RUNX1: variants seen among roughly 807,000 people sequenced by gnomAD.
The protein encoded by RUNX1 is runt-related transcription factor 1.
RUNX1 carries 19 observed loss-of-function variants against 42.8 expected under a neutral mutation model. The ratio of observed to expected loss-of-function variants is 0.44; its 90% CI spans 0.31 to 0.65. The LOEUF is 0.65. RUNX1 is among the 30% of genes least tolerant of loss of function. RUNX1 has a pLI of 0.07. For missense variants in RUNX1, 528 were observed against 672.0 expected, an observed-to-expected ratio of 0.79 and a Z score of 2.37; for synonymous variants, 271 against 289.4, an observed-to-expected ratio of 0.94 and a Z score of 0.64.
intron 2 of RUNX1, among the ~76,000 whole-genome samples, chr21:34,917,403 G>T (rs1023726767): frequency 6.6e-6 from 1 of 152,188 alleles, no homozygotes; most frequent in Non-Finnish European, 1.5e-5. Context: ...TGGGATGATT[G>T]CAAATCATCA....
chr21:34,957,624 A>C (rs528391152), intron 2 of RUNX1, among the ~76,000 whole-genome samples: 139 of 152,296 alleles, frequency 9.1e-4, no homozygotes, highest in Middle Eastern at 3.4e-3. Flanking sequence ...TGATAGACTG[A>C]AGACCTCTGG....
intron 2 of RUNX1, among the ~76,000 whole-genome samples, chr21:34,981,239 T>C (rs2058844231): frequency 6.6e-6 from 1 of 152,214 alleles, no homozygotes. Flanking sequence ...AAATAGATGC[T>C]TCCCTTTGGA....
At chr21:34,946,031 T>A (rs187129197) in intron 2 of RUNX1, among the ~76,000 whole-genome samples, 7 of 152,324 alleles carry the variant, frequency 4.6e-5, no homozygotes, top group Admixed American at 4.6e-4. Context: ...GGGTTCTCCC[T>A]CTTAATTAGT....
intron 2 of RUNX1, among the ~76,000 whole-genome samples, chr21:35,024,512 T>C (rs1009090775): frequency 1.3e-5 from 2 of 152,214 alleles, no homozygotes; most frequent in African/African-American, 4.8e-5. Flanking sequence ...ATGTCTGTGG[T>C]AAAAGTAGAC....
chr21:34,818,298 G>A (rs1229671564), intron 7 of RUNX1, among the ~76,000 whole-genome samples: 1 of 152,228 alleles, frequency 6.6e-6, no homozygotes, highest in Non-Finnish European at 1.5e-5. Context: ...TCATAAGAGG[G>A]CAACTGTTAG....
chr21:34,857,382 G>C (rs543745410), intron 6 of RUNX1, among the ~76,000 whole-genome samples: 1 of 152,304 alleles, frequency 6.6e-6, no homozygotes, highest in Non-Finnish European at 1.5e-5. Flanking sequence ...ATTCTTAAAA[G>C]TCAGAGTCGC....
chr21:34,836,442 GCTCCTCCCTC>G (rs2057147700), intron 6 of RUNX1, among the ~76,000 whole-genome samples: 1 of 152,218 alleles, frequency 6.6e-6, no homozygotes, highest in African/African-American at 2.4e-5. Flanking sequence ...GCCTTCCTTA[GCTCCTCCCTC>G]CTCTTATCTC....
chr21:34,923,048 A>T (rs1016086035), intron 2 of RUNX1, among the ~76,000 whole-genome samples: 1 of 152,194 alleles, frequency 6.6e-6, no homozygotes, highest in Non-Finnish European at 1.5e-5. Context: ...AAGCCCAAAA[A>T]ACTACAGATG....
chr21:35,033,175 C>G (rs75102343), intron 2 of RUNX1, among the ~76,000 whole-genome samples: 4,501 of 152,260 alleles, frequency 0.03, 103 homozygotes, highest in Non-Finnish European at 0.04. Flanking sequence ...GCCTATTCAT[C>G]TATCCATCCA....
At chr21:34,866,182 G>A (rs539962529) in intron 5 of RUNX1, among the ~76,000 whole-genome samples, 5 of 152,338 alleles carry the variant, frequency 3.3e-5, no homozygotes, top group East Asian at 1.9e-4. Context: ...CAAAGGAGCC[G>A]TCTGCCCTGG....
chr21:34,969,709 T>C (rs930281386), intron 2 of RUNX1, among the ~76,000 whole-genome samples: 4 of 150,038 alleles, frequency 2.7e-5, no homozygotes, highest in East Asian at 2.0e-4. Flanking sequence ...GCAAAATTCA[T>C]AAATGACTGC....
intron 2 of RUNX1, among the ~76,000 whole-genome samples, chr21:34,915,597 A>T (rs1228218220): frequency 1.3e-5 from 2 of 152,254 alleles, no homozygotes; most frequent in African/African-American, 4.8e-5. Context: ...TTCTATGCAA[A>T]TGTAAAATAT....
At chr21:34,904,724 T>C (rs2058204013) in intron 2 of RUNX1, among the ~76,000 whole-genome samples, 1 of 152,166 alleles carries the variant, frequency 6.6e-6, no homozygotes, top group African/African-American at 2.4e-5. Context: ...TCTAGGTAAG[T>C]TCTCAAGGGG....
intron 4 of RUNX1, 51 bp downstream of exon 4, chr21:34,886,792 C>T (rs1016812465): frequency 3.1e-6 from 5 of 1,610,686 alleles, no homozygotes; most frequent in East Asian, 2.2e-5. Flanking sequence ...GGATCTCCCC[C>T]GGCCTCGCCG....
At chr21:34,836,442 G>A (rs368498553) in intron 6 of RUNX1, among the ~76,000 whole-genome samples, 13 of 152,336 alleles carry the variant, frequency 8.5e-5, no homozygotes, top group African/African-American at 3.1e-4. Context: ...GCCTTCCTTA[G>A]CTCCTCCCTC....
chr21:35,037,280 C>G (rs917645848), intron 2 of RUNX1, among the ~76,000 whole-genome samples: 19 of 152,296 alleles, frequency 1.2e-4, no homozygotes, highest in Middle Eastern at 6.8e-3. Context: ...TTTGAGCACC[C>G]CTGGCTTAAA....
intron 2 of RUNX1, among the ~76,000 whole-genome samples, chr21:34,960,625 A>G (rs2058675361): frequency 6.6e-6 from 1 of 152,266 alleles, no homozygotes; most frequent in African/African-American, 2.4e-5. Context: ...AGACTTGCCC[A>G]GCCTTAAGAT....
At chr21:34,836,093 C>CA (rs1462141334) in intron 6 of RUNX1, among the ~76,000 whole-genome samples, 38 of 152,160 alleles carry the variant, frequency 2.5e-4, no homozygotes, top group Admixed American at 2.5e-3. Context: ...TGTTTGGCTC[C>CA]AAAATGAGGA....
At chr21:34,818,421 A>G (rs1371649940) in intron 7 of RUNX1, among the ~76,000 whole-genome samples, 2 of 152,160 alleles carry the variant, frequency 1.3e-5, no homozygotes, top group Non-Finnish European at 2.9e-5. Flanking sequence ...AGCTGACCCC[A>G]GCATTTCCCG....
Sources: allele counts gnomAD v4.1 joint callset (sites outside exome capture counted in the v4.1 genomes callset), GRCh38; gene constraint gnomAD v4.1.1; transcripts MANE v1.5; gene names NCBI Gene and HGNC (gene_info 2026-07-23, HGNC 2026-07-21).